CCDC73: variants seen among roughly 807,000 people sequenced by gnomAD.
CCDC73 encodes the protein coiled-coil domain-containing protein 73.
In CCDC73, 95 loss-of-function variants were observed where a neutral mutation model predicts 116.5. That is an observed-to-expected ratio of 0.82 (90% confidence interval 0.69 to 0.97). The LOEUF is 0.97. Ranked by LOEUF, CCDC73 falls within the 50% of genes least tolerant of loss-of-function variation. CCDC73 has a pLI of 0.00. For missense variants in CCDC73, 1,066 were observed against 1,206.8 expected, an observed-to-expected ratio of 0.88 and a Z score of 1.73; for synonymous variants, 398 against 401.3, an observed-to-expected ratio of 0.99 and a Z score of 0.10.
At chr11:32,645,235 C>T (rs1855766622) in intron 12 of CCDC73, among the ~76,000 whole-genome samples, 1 of 151,984 alleles carries the variant, frequency 6.6e-6, no homozygotes, top group Non-Finnish European at 1.5e-5. Flanking sequence ...TGGAATACTT[C>T]CTGAAGGACC....
intron 9 of CCDC73, among the ~76,000 whole-genome samples, chr11:32,658,365 G>A (rs1855893227): frequency 6.6e-6 from 1 of 152,214 alleles, no homozygotes. Context: ...GGGAAGGGAT[G>A]TAGAGGAAAA....
intron 2 of CCDC73, among the ~76,000 whole-genome samples, chr11:32,757,262 T>A (rs2133374266): frequency 6.6e-6 from 1 of 152,096 alleles, no homozygotes; most frequent in African/African-American, 2.4e-5. Flanking sequence ...GTGAAAAAAA[T>A]TAGAACAGGG....
chr11:32,703,181 G>A (rs1041013597), intron 3 of CCDC73, among the ~76,000 whole-genome samples: 1 of 151,996 alleles, frequency 6.6e-6, no homozygotes, highest in Non-Finnish European at 1.5e-5. Flanking sequence ...CAACCTTCCC[G>A]GGCTCAGGTG....
the CCDC73 span, among the ~76,000 whole-genome samples, chr11:32,804,062 G>A: frequency 5.3e-5 from 8 of 151,788 alleles, no homozygotes; most frequent in African/African-American, 7.3e-5. Flanking sequence ...CACCCACCTC[G>A]GCCTCCCAAA....
intron 3 of CCDC73, among the ~76,000 whole-genome samples, chr11:32,712,964 T>A (rs185554095): frequency 6.6e-6 from 1 of 152,074 alleles, no homozygotes. Context: ...AAAGTATATC[T>A]CTTTGATCTC....
intron 2 of CCDC73, among the ~76,000 whole-genome samples, chr11:32,738,538 A>G (rs1199967896): frequency 1.3e-5 from 2 of 151,840 alleles, no homozygotes; most frequent in African/African-American, 4.8e-5. Context: ...CCCATTTTTA[A>G]ATTGGATTGT....
At chr11:32,758,597 C>A in intron 2 of CCDC73, 1 of 406,610 alleles carries the variant, frequency 2.5e-6, no homozygotes, top group South Asian at 2.0e-5. Flanking sequence ...GGCACAAGCA[C>A]AGAGTTTGAA....
chr11:32,728,105 AG>A (rs1850044620), intron 2 of CCDC73, among the ~76,000 whole-genome samples: 1 of 152,002 alleles, frequency 6.6e-6, no homozygotes, highest in Non-Finnish European at 1.5e-5. Context: ...TTTAAAATTT[AG>A]CCAGGCATGA....
Position 32,614,592 on chromosome 11 carries a change from A to G in CCDC73, c.1726T>C (p.Phe576Leu). 1 of 1,611,406 alleles carries G rather than the reference A, an allele frequency of 6.2e-7. No homozygotes were observed. Among genetic ancestry groups the G allele is most frequent in the Non-Finnish European group, 8.5e-7 (1 of 1,178,064 alleles). ...NLEVENNKTSFNSILNETAHN... is the reference protein window; with the variant it reads ...NLEVENNKTSLNSILNETAHN... The stretch of plus-strand genomic sequence containing the variant: ...GCTGTCTCATTTAAAATACTGTTAA[A>G]TGATGTTTTGTTATTTTCAACCTCC... The change falls in exon 16 of 18, where the codon TTT becomes CTT. Residue 576 changes from phenylalanine to leucine, a missense_variant. Physicochemically the swap from Phe to Leu is conservative, Grantham distance 22 (BLOSUM62 0). Coordinates refer to ENST00000335185, the MANE Select transcript of CCDC73 (RefSeq NM_001008391.4).
At chr11:32,665,140 T>C (rs1855968520) in intron 9 of CCDC73, among the ~76,000 whole-genome samples, 2 of 152,214 alleles carry the variant, frequency 1.3e-5, no homozygotes, top group African/African-American at 4.8e-5. Flanking sequence ...TTCTGTTGAT[T>C]TGGGGTGGAG....
chr11:32,753,751 C>T (rs1471021483), intron 2 of CCDC73, among the ~76,000 whole-genome samples: 1 of 152,004 alleles, frequency 6.6e-6, no homozygotes, highest in East Asian at 1.9e-4. Context: ...CAGGTGTGAG[C>T]CACCATGCCT....
At position 32,722,432 on chromosome 11, in the gene CCDC73, A is replaced by T. The variant is rs182756835; in HGVS notation, c.136-4285T>A. Among the ~76,000 whole-genome samples, 429 of 152,276 alleles carry T rather than the reference A, an allele frequency of 2.8e-3. 2 individuals are homozygous for T. Among genetic ancestry groups the T allele is most frequent in the Non-Finnish European group, 4.2e-3 (287 of 68,016 alleles). ...ACATTGGATCTTTACAGGTGATTAA[A>T]GTGAGGACTTATCTGACTCACAGTC... On this transcript the variant is annotated intron_variant, in intron 2 of 17. Coordinates refer to ENST00000335185, the MANE Select transcript of CCDC73 (RefSeq NM_001008391.4).
At chr11:32,730,166 G>A (rs1850062865) in intron 2 of CCDC73, among the ~76,000 whole-genome samples, 1 of 152,204 alleles carries the variant, frequency 6.6e-6, no homozygotes, top group Non-Finnish European at 1.5e-5. Context: ...AGGTTTGACA[G>A]AAGAATGTTG....
chr11:32,800,134 C>G, the CCDC73 span, among the ~76,000 whole-genome samples: 1 of 152,060 alleles, frequency 6.6e-6, no homozygotes, highest in South Asian at 2.1e-4. Flanking sequence ...TAGCTTTTTA[C>G]TTTGTATATA....
chr11:32,635,139 C>G (rs956494862), intron 14 of CCDC73, among the ~76,000 whole-genome samples: 4 of 151,562 alleles, frequency 2.6e-5, no homozygotes, highest in Non-Finnish European at 5.9e-5. Flanking sequence ...TAAATGGAAG[C>G]TATACCATGT....
intron 2 of CCDC73, among the ~76,000 whole-genome samples, chr11:32,748,880 G>A (rs986434626): frequency 6.6e-6 from 1 of 152,074 alleles, no homozygotes; most frequent in Non-Finnish European, 1.5e-5. Context: ...GTCCTGGCCT[G>A]TAAGGTTTCC....
At chr11:32,787,590 T>C (rs1480548681) in intron 1 of CCDC73, among the ~76,000 whole-genome samples, 5 of 152,218 alleles carry the variant, frequency 3.3e-5, no homozygotes, top group Non-Finnish European at 7.4e-5. Flanking sequence ...TTGTCTTTTA[T>C]TCTTGTGAAT....
At chr11:32,797,918 C>T (rs183853815), upstream of CCDC73, among the ~76,000 whole-genome samples, 2 of 152,302 alleles carry the variant, frequency 1.3e-5, no homozygotes, top group Admixed American at 1.3e-4. Context: ...AAATCTGAAA[C>T]TTTTTGAGCA....
chr11:32,791,472 C>A (rs1327189718), intron 1 of CCDC73, among the ~76,000 whole-genome samples: 1 of 152,212 alleles, frequency 6.6e-6, no homozygotes, highest in Non-Finnish European at 1.5e-5. Context: ...TAACTTTAAT[C>A]CGTATTTCCC....
Sources: allele counts gnomAD v4.1 joint callset (sites outside exome capture counted in the v4.1 genomes callset), GRCh38; gene constraint gnomAD v4.1.1; transcripts MANE v1.5; gene names NCBI Gene and HGNC (gene_info 2026-07-23, HGNC 2026-07-21).